ZNRF3: variants seen among roughly 807,000 people sequenced by gnomAD.
The protein encoded by ZNRF3 is E3 ubiquitin-protein ligase ZNRF3.
Under a neutral mutation model 72.5 loss-of-function variants are expected in ZNRF3, and 23 were observed. The ratio of observed to expected loss-of-function variants is 0.32; its 90% CI spans 0.23 to 0.45. ZNRF3 has a LOEUF of 0.45. Among genes scored for constraint, ZNRF3 ranks in the 20% least tolerant of loss-of-function variants. ZNRF3 has a pLI of 1.00. For missense variants in ZNRF3, 1,169 were observed against 1,272.1 expected (o/e 0.92, Z 1.23); for synonymous variants, 610 against 545.3 (o/e 1.12, Z -1.65).
intron 1 of ZNRF3, among the ~76,000 whole-genome samples, chr22:28,930,197 C>G (rs2034680038): frequency 6.6e-6 from 1 of 151,564 alleles, no homozygotes. Context: ...GTCTTTCTAT[C>G]CAAAGTATAT....
intron 1 of ZNRF3, among the ~76,000 whole-genome samples, chr22:28,934,478 C>A (rs886884096): frequency 1.3e-5 from 2 of 152,152 alleles, no homozygotes; most frequent in African/African-American, 4.8e-5. Context: ...AGAATTACTC[C>A]TGTAATGCAA....
chr22:28,888,400 CTG>C (rs1601525495), intron 1 of ZNRF3, among the ~76,000 whole-genome samples: 1 of 152,232 alleles, frequency 6.6e-6, no homozygotes, highest in East Asian at 1.9e-4. Context: ...GTGCTGACAG[CTG>C]ACCTGGATTT....
chr22:28,944,627 C>T (rs1284085429), intron 1 of ZNRF3, among the ~76,000 whole-genome samples: 3 of 151,936 alleles, frequency 2.0e-5, no homozygotes, highest in Non-Finnish European at 2.9e-5. Context: ...TGGTGGCGCA[C>T]GCCTGTAGTC....
chr22:28,914,386 A>G (rs570882998), intron 1 of ZNRF3, among the ~76,000 whole-genome samples: 2 of 152,130 alleles, frequency 1.3e-5, no homozygotes, highest in Admixed American at 6.5e-5. Context: ...TGTGTGTGAC[A>G]TAAGCGGGGC....
At chr22:29,004,430 A>G (rs969310130) in intron 2 of ZNRF3, among the ~76,000 whole-genome samples, 4 of 152,158 alleles carry the variant, frequency 2.6e-5, no homozygotes, top group Non-Finnish European at 4.4e-5. Flanking sequence ...CTGTAACTTC[A>G]TCTATCTCGA....
Position 29,053,730 on chromosome 22 carries a change from A to G in ZNRF3, c.*108A>G, listed in dbSNP as rs1601722735. 5 of 1,182,552 alleles carry G rather than the reference A, an allele frequency of 4.2e-6. No individual in the cohort carries two copies. In the East Asian group the frequency reaches 1.2e-4, roughly 28 times the overall value. 73.3% of individuals were successfully genotyped at this position (1,182,552 alleles called of 1,614,324 possible). On this transcript the variant is annotated 3_prime_UTR_variant, in exon 9 of 9. Transcript: ENST00000544604. ...TTTTTTTAGCTTTGACAAACACACA[A>G]AAGTGGTAATAAAGAGAGCCCTCCT... is the stretch of plus-strand genomic sequence containing the variant.
chr22:29,024,282 C>CTTTTTT (rs1188597407), intron 2 of ZNRF3, among the ~76,000 whole-genome samples: 3 of 77,394 alleles, frequency 3.9e-5, no homozygotes, highest in Admixed American at 1.3e-4. Flanking sequence ...AAGGCATTAA[C>CTTTTTT]TGTTTTTTTT....
At chr22:28,967,937 A>G (rs12169125) in intron 1 of ZNRF3, among the ~76,000 whole-genome samples, 1 of 151,866 alleles carries the variant, frequency 6.6e-6, no homozygotes, top group Non-Finnish European at 1.5e-5. Flanking sequence ...AAAAAAAAAA[A>G]AAAAAAGAAA....
At chr22:28,907,149 G>GT (rs3884979) in intron 1 of ZNRF3, among the ~76,000 whole-genome samples, 18,870 of 146,528 alleles carry the variant, frequency 0.13, 1,758 homozygotes, top group East Asian at 0.41. Flanking sequence ...CGCCCGTCCA[G>GT]TTTTTTTTTT....
At chr22:28,948,203 C>T (rs191385284) in intron 1 of ZNRF3, among the ~76,000 whole-genome samples, 32 of 151,048 alleles carry the variant, frequency 2.1e-4, no homozygotes, top group Middle Eastern at 3.7e-3. Flanking sequence ...CCTGCTCTGT[C>T]GCCTAGACTG....
intron 1 of ZNRF3, among the ~76,000 whole-genome samples, chr22:28,919,388 C>T (rs75256343): frequency 0.032 from 4,942 of 152,220 alleles, 135 homozygotes; most frequent in South Asian, 0.064. Flanking sequence ...CTCATTTATT[C>T]CTCATAACAT....
chr22:28,901,026 A>G (rs1343854394), intron 1 of ZNRF3, among the ~76,000 whole-genome samples: 3 of 152,102 alleles, frequency 2.0e-5, no homozygotes, highest in African/African-American at 7.2e-5. Context: ...TGATAGGATC[A>G]CTTGAGCCCT....
Position 28,937,734 on chromosome 22 carries a change from G to A in ZNRF3, c.301-49342G>A, listed in dbSNP as rs116139358. ...TAGAAGGTACAAGGAAATGAACATCGTCTTCAGTCTTACCACTCGGGAGAG... is the reference window on the plus strand; with the variant it reads ...TAGAAGGTACAAGGAAATGAACATCATCTTCAGTCTTACCACTCGGGAGAG... On this transcript the variant is annotated intron_variant, in intron 1 of 8. Coordinates refer to ENST00000544604, the MANE Select transcript of ZNRF3 (RefSeq NM_001206998.2). Among the ~76,000 whole-genome samples the A allele has an allele frequency of 6.8e-3, 1,038 of 152,196 alleles. 15 individuals carry two copies. The highest frequency in any genetic ancestry group is 0.022 in the African/African-American group (909 of 41,500).
intron 2 of ZNRF3, among the ~76,000 whole-genome samples, chr22:29,011,157 G>A (rs2036340434): frequency 6.6e-6 from 1 of 152,062 alleles, no homozygotes; most frequent in African/African-American, 2.4e-5. Context: ...ATTTACTGTT[G>A]CCCTAAGAAT....
chr22:28,942,235 A>G (rs2034960999), intron 1 of ZNRF3, among the ~76,000 whole-genome samples: 1 of 152,222 alleles, frequency 6.6e-6, no homozygotes, highest in African/African-American at 2.4e-5. Context: ...ATGTGATGTG[A>G]CGCGATGCCG....
rs2123893473 is a variant in ZNRF3 at position 29,055,056 on chromosome 22, A to C, written c.*1434A>C. The C allele has an allele frequency of 6.5e-6, 1 of 152,792 alleles. No homozygotes were observed. Among genetic ancestry groups the C allele is most frequent in the Non-Finnish European group, 1.5e-5 (1 of 68,034 alleles). 9.5% of individuals were successfully genotyped at this position (152,792 alleles called of 1,614,324 possible). ...GTATATTTTTCCAGCCTTTTTTATT[A>C]AGGGGAAGGGGAGAGTTTAAAAACC... On this transcript the variant is annotated 3_prime_UTR_variant, in exon 9 of 9. Coordinates refer to ENST00000544604, the MANE Select transcript of ZNRF3 (RefSeq NM_001206998.2).
Position 29,044,893 on chromosome 22 carries a change from A to C in ZNRF3, c.744+3A>C. ...AGCTGAAGCAGCGACGCAGTCAGGTAGTGCCTCTGTGTGTAGCCCGTGAGC... is the reference window on the plus strand; with the variant it reads ...AGCTGAAGCAGCGACGCAGTCAGGTCGTGCCTCTGTGTGTAGCCCGTGAGC... On this transcript the variant is annotated splice_donor_region_variant and intron_variant, in intron 5 of 8. Coordinates refer to ENST00000544604, the MANE Select transcript of ZNRF3 (RefSeq NM_001206998.2). 1 of 1,609,588 alleles carries C rather than the reference A, an allele frequency of 6.2e-7. No individual in the cohort carries two copies. Among genetic ancestry groups the C allele is most frequent in the Non-Finnish European group, 8.5e-7 (1 of 1,175,988 alleles).
chr22:29,008,219 A>G (rs892466944), intron 2 of ZNRF3, among the ~76,000 whole-genome samples: 37 of 152,178 alleles, frequency 2.4e-4, no homozygotes, highest in African/African-American at 8.4e-4. Context: ...TATTCTTACT[A>G]GTGAGAGTAG....
intron 8 of ZNRF3, 22 bp downstream of exon 8, chr22:29,050,970 A>G: frequency 6.7e-7 from 1 of 1,500,748 alleles, no homozygotes; most frequent in Non-Finnish European, 8.8e-7. Flanking sequence ...AAATGGCAGT[A>G]GGTCAGAGCA....
Sources: gnomAD v4.1 joint callset for allele counts (sites outside exome capture counted in the v4.1 genomes callset) on GRCh38, gnomAD v4.1.1 for gene constraint, MANE v1.5 for transcripts, NCBI Gene and HGNC (gene_info 2026-07-23, HGNC 2026-07-21) for gene names.